Variants in GAS7 observed in about 807,000 individuals in gnomAD.
GAS7 encodes growth arrest specific 7.
GAS7 carries 28 observed loss-of-function variants against 71.1 expected under a neutral mutation model. The observed-to-expected ratio is 0.39, with a 90% CI of 0.29 to 0.54. The LOEUF is 0.54. Ranked by LOEUF, GAS7 falls within the 20% of genes least tolerant of loss-of-function variation. The pLI is 0.62. For synonymous variants in GAS7, 258 were observed against 245.8 expected (o/e 1.05, Z -0.46); for missense variants, 436 against 627.8 (o/e 0.69, Z 3.27).
At chr17:10,126,542 G>A (rs1423092569) in intron 1 of GAS7, among the ~76,000 whole-genome samples, 1 of 18,214 alleles carries the variant, frequency 5.5e-5, no homozygotes, top group Non-Finnish European at 1.4e-4. Context: ...CACACACAAA[G>A]AGCGCACACA....
intron 1 of GAS7, among the ~76,000 whole-genome samples, chr17:10,078,034 A>G (rs1054975838): frequency 6.7e-6 from 1 of 150,166 alleles, no homozygotes; most frequent in African/African-American, 2.5e-5. Flanking sequence ...GTACATGCGG[A>G]AGTTTGTTGT....
intron 1 of GAS7, among the ~76,000 whole-genome samples, chr17:10,165,966 A>C (rs2074290855): frequency 6.6e-6 from 1 of 151,748 alleles, no homozygotes; most frequent in South Asian, 2.1e-4. Flanking sequence ...GTCTCAGAGC[A>C]AAAGGCACCA....
chr17:9,987,044 T>TACA (rs1344277765), intron 2 of GAS7, among the ~76,000 whole-genome samples: 1 of 152,186 alleles, frequency 6.6e-6, no homozygotes, highest in Non-Finnish European at 1.5e-5. Flanking sequence ...CTAATCTGCT[T>TACA]ACAACACATC....
chr17:10,053,984 C>G (rs1351591324), intron 1 of GAS7, among the ~76,000 whole-genome samples: 2 of 152,176 alleles, frequency 1.3e-5, no homozygotes, highest in Non-Finnish European at 1.5e-5. Context: ...ATCCAACTAT[C>G]TGAATTTCTC....
At chr17:9,965,997 C>CTTTTTT (rs1156705866) in intron 4 of GAS7, among the ~76,000 whole-genome samples, 9 of 122,964 alleles carry the variant, frequency 7.3e-5, no homozygotes, top group Admixed American at 1.7e-4. Flanking sequence ...CCCCAAAATT[C>CTTTTTT]TTTTTTTTTT....
At chr17:10,124,142 G>A (rs1031005464) in intron 1 of GAS7, among the ~76,000 whole-genome samples, 2 of 152,244 alleles carry the variant, frequency 1.3e-5, no homozygotes, top group Non-Finnish European at 2.9e-5. Context: ...AGCCGCCACT[G>A]TGCCTGGGCG....
intron 1 of GAS7, among the ~76,000 whole-genome samples, chr17:10,138,150 A>G (rs1167600833): frequency 6.6e-6 from 1 of 151,588 alleles, no homozygotes; most frequent in Non-Finnish European, 1.5e-5. Flanking sequence ...TATTTTTAGT[A>G]GAGACCGGGT....
chr17:10,064,534 C>T (rs573871105), intron 1 of GAS7, among the ~76,000 whole-genome samples: 18 of 152,308 alleles, frequency 1.2e-4, no homozygotes, highest in African/African-American at 3.6e-4. Flanking sequence ...TACTAGTTCA[C>T]GAAGGGGCAT....
chr17:10,069,152 C>A (rs1301657687), intron 1 of GAS7, among the ~76,000 whole-genome samples: 1 of 152,154 alleles, frequency 6.6e-6, no homozygotes, highest in African/African-American at 2.4e-5. Flanking sequence ...TTCCTAAATG[C>A]AAGTTCCCAG....
Position 9,913,891 on chromosome 17 carries a change from G to A in GAS7, c.*3337C>T. 4.3e-6 allele frequency: 1 copy of A among 231,974 alleles called. No homozygotes were observed. Among genetic ancestry groups the A allele is most frequent in the Admixed American group, 5.6e-5 (1 of 17,746 alleles). 14.4% of individuals were successfully genotyped at this position (231,974 alleles called of 1,614,324 possible). ...AACAGATCTTGTGCATCAGTCTCCT[G>A]GGTGGAGGCAGGTAGAAGGGGCTGA... On this transcript the variant is annotated 3_prime_UTR_variant, in exon 14 of 14. Coordinates refer to ENST00000432992, the MANE Select transcript of GAS7 (RefSeq NM_201433.2).
chr17:9,990,106 A>G (rs1170242175), intron 2 of GAS7, among the ~76,000 whole-genome samples: 1 of 152,040 alleles, frequency 6.6e-6, no homozygotes, highest in African/African-American at 2.4e-5. Flanking sequence ...CATCTCTACT[A>G]AAAATACAAA....
chr17:10,165,190 C>A (rs2074284582), intron 1 of GAS7, among the ~76,000 whole-genome samples: 1 of 150,406 alleles, frequency 6.6e-6, no homozygotes, highest in African/African-American at 2.4e-5. Context: ...TACTCGGGAC[C>A]CTGAGGCAGG....
chr17:10,042,543 G>A (rs547953197), intron 1 of GAS7, among the ~76,000 whole-genome samples: 1 of 152,108 alleles, frequency 6.6e-6, no homozygotes, highest in Non-Finnish European at 1.5e-5. Context: ...GGCAGGTATT[G>A]TATGTAGGAC....
At chr17:9,951,726 T>C (rs2069016405) in intron 5 of GAS7, among the ~76,000 whole-genome samples, 1 of 130,102 alleles carries the variant, frequency 7.7e-6, no homozygotes, top group Admixed American at 9.7e-5. Flanking sequence ...CATTGCATCA[T>C]TCCAGCCTGG....
intron 1 of GAS7, among the ~76,000 whole-genome samples, chr17:10,055,047 G>A (rs747222640): frequency 1.3e-5 from 2 of 152,220 alleles, no homozygotes; most frequent in Non-Finnish European, 2.9e-5. Flanking sequence ...GGAGAAAGCA[G>A]TCAGGGGCGA....
intron 1 of GAS7, among the ~76,000 whole-genome samples, chr17:10,108,328 T>C (rs377518946): frequency 4.7e-4 from 72 of 152,298 alleles, no homozygotes; most frequent in African/African-American, 1.7e-3. Context: ...ATGTTTCTCA[T>C]AGGTAAGGAA....
At chr17:10,050,455 C>T (rs2073047243) in intron 1 of GAS7, among the ~76,000 whole-genome samples, 2 of 152,132 alleles carry the variant, frequency 1.3e-5, no homozygotes, top group Non-Finnish European at 2.9e-5. Context: ...CCGAGTCTCC[C>T]CAGTACCCAC....
chr17:9,991,883 C>T lies in GAS7; in HGVS notation c.305-9999G>A, dbSNP rs116766577. 2.7e-3 allele frequency among the ~76,000 whole-genome samples: 412 copies of T among 151,982 alleles called. 2 individuals are homozygous for T. Among genetic ancestry groups the T allele is most frequent in the African/African-American group, 9.5e-3 (394 of 41,452 alleles). Reference sequence around the variant, plus strand: ...TATGGTTGAGAAACTGAGAAGACACCTTATCGAATCCAAAGCCTGGATGCT... The same window carrying T: ...TATGGTTGAGAAACTGAGAAGACACTTTATCGAATCCAAAGCCTGGATGCT... On this transcript the variant is annotated intron_variant, in intron 2 of 13. Transcript: ENST00000432992.
At chr17:10,148,965 A>G (rs2074143758) in intron 1 of GAS7, among the ~76,000 whole-genome samples, 1 of 151,670 alleles carries the variant, frequency 6.6e-6, no homozygotes, top group Non-Finnish European at 1.5e-5. Context: ...GGTCAACTGG[A>G]TGATGAATAA....
Sources: gnomAD v4.1 joint callset for allele counts (sites outside exome capture counted in the v4.1 genomes callset) on GRCh38, gnomAD v4.1.1 for gene constraint, MANE v1.5 for transcripts, NCBI Gene and HGNC (gene_info 2026-07-23, HGNC 2026-07-21) for gene names.